Variants in LAMC3 observed in about 807,000 individuals in gnomAD.
The protein encoded by LAMC3 is laminin subunit gamma-3.
Under a neutral mutation model 173.8 loss-of-function variants are expected in LAMC3, and 128 were observed. That is an observed-to-expected ratio of 0.74 (90% CI 0.64 to 0.85). The LOEUF is 0.85. LAMC3 is among the 40% of genes least tolerant of loss of function. The probability of loss-of-function intolerance (pLI) is 0.00; values close to 1 mark genes in which losing one functional copy is unlikely to be tolerated. For missense variants in LAMC3, 2,022 were observed against 2,156.0 expected (o/e 0.94, Z 1.23); for synonymous variants, 897 against 909.1 (o/e 0.99, Z 0.24).
At chr9:131,030,831 G>C (rs1348260150) in intron 2 of LAMC3, among the ~76,000 whole-genome samples, 1 of 152,240 alleles carries the variant, frequency 6.6e-6, no homozygotes, top group Non-Finnish European at 1.5e-5. Flanking sequence ...AGCCGGCCCA[G>C]CAGCATCAGT....
chr9:131,053,925 G>A (rs998629976), intron 11 of LAMC3, among the ~76,000 whole-genome samples: 8 of 151,784 alleles, frequency 5.3e-5, no homozygotes, highest in Non-Finnish European at 7.4e-5. Flanking sequence ...CTGGAGGATC[G>A]CTTGAGCCCA....
chr9:131,084,353 G>C (rs72768534), intron 24 of LAMC3, among the ~76,000 whole-genome samples: 20,876 of 151,852 alleles, frequency 0.14, 1,477 homozygotes, highest in South Asian at 0.21. Flanking sequence ...TAGGTCTATA[G>C]GTGTGTGCCA....
chr9:131,071,400 T>A (rs1024850699), intron 17 of LAMC3, 84 bp from the exon 18 acceptor site: 14 of 1,504,572 alleles, frequency 9.3e-6, no homozygotes, highest in Non-Finnish European at 9.1e-7. Flanking sequence ...CCAGGGAGAG[T>A]GGCAGGGTAG....
chr9:131,061,868 A>G (rs1829832504), intron 13 of LAMC3, among the ~76,000 whole-genome samples: 1 of 130,576 alleles, frequency 7.7e-6, no homozygotes, highest in Admixed American at 7.9e-5. Flanking sequence ...TGGGCAACAT[A>G]GTGAGACTCC....
At chr9:131,048,966 G>T in intron 8 of LAMC3, 54 bp from the exon 9 acceptor site, 1 of 1,183,036 alleles carries the variant, frequency 8.5e-7, no homozygotes, top group South Asian at 1.4e-5. Context: ...GGCACCTGGA[G>T]ACCACCCTCC....
chr9:131,064,165 C>T (rs1381475724), intron 13 of LAMC3, among the ~76,000 whole-genome samples: 1 of 152,126 alleles, frequency 6.6e-6, no homozygotes, highest in African/African-American at 2.4e-5. Flanking sequence ...ACCTCAGCCT[C>T]CCAAAGTGCT....
Position 131,092,039 on chromosome 9 carries a change from C to T in LAMC3, c.*252C>T. On this transcript the variant is annotated 3_prime_UTR_variant, in exon 28 of 28. Transcript: ENST00000361069. The stretch of plus-strand genomic sequence containing the variant: ...ACCCCTGCACATGCATAAACGGGCA[C>T]ACCCCAGTGTCAATAACATACACAC... 1 of 568,262 alleles carries T rather than the reference C, an allele frequency of 1.8e-6. No homozygotes were observed. Among genetic ancestry groups the T allele is most frequent in the South Asian group, 2.0e-5 (1 of 50,144 alleles). 35.2% of individuals were successfully genotyped at this position (568,262 alleles called of 1,614,324 possible).
At chr9:131,046,516 G>GTTTTTTTTTTTTTTT (rs1443313320) in intron 8 of LAMC3, among the ~76,000 whole-genome samples, 9 of 38,746 alleles carry the variant, frequency 2.3e-4, no homozygotes, top group Admixed American at 5.4e-4. Context: ...GCTAATTTTT[G>GTTTTTTTTTTTTTTT]TATTTTTTTT....
At position 131,009,870 on chromosome 9, in the gene LAMC3, T is replaced by C. The variant is rs530877226; in HGVS notation, c.373+283T>C. Among the ~76,000 whole-genome samples the C allele has an allele frequency of 5.3e-5, 8 of 150,014 alleles. No individual in the cohort carries two copies. The South Asian group carries it at 1.1e-3, about 20-fold the overall frequency. On this transcript the variant is annotated intron_variant, in intron 1 of 27. Transcript: ENST00000361069. The surrounding 1 kb of genome is among the most constrained non-coding windows in gnomAD (Gnocchi z 4.3). ...CATCTTTACAAAAAATAAAGAAAAA[T>C]AGGCCGGGCGCGGTGGCTGACGTCT...
At chr9:131,011,403 G>A (rs1173752929) in intron 1 of LAMC3, among the ~76,000 whole-genome samples, 1 of 152,228 alleles carries the variant, frequency 6.6e-6, no homozygotes, top group Non-Finnish European at 1.5e-5. Flanking sequence ...AGAGGTCAGA[G>A]CATAAACTCT....
intron 27 of LAMC3, among the ~76,000 whole-genome samples, chr9:131,088,364 C>T (rs1013597334): frequency 4.6e-5 from 7 of 152,082 alleles, no homozygotes; most frequent in African/African-American, 7.2e-5. Flanking sequence ...GCGCTTACCA[C>T]GGTGCGTGGT....
intron 3 of LAMC3, among the ~76,000 whole-genome samples, chr9:131,032,589 T>C (rs1833856792): frequency 6.9e-6 from 1 of 145,350 alleles, no homozygotes; most frequent in African/African-American, 2.8e-5. Context: ...GCTTGCTCTC[T>C]TTCTCACTCG....
At position 131,026,421 on chromosome 9, in the gene LAMC3, C is replaced by A. The variant is rs1423101508; in HGVS notation, c.510C>A (p.Thr170=). 9.3e-6 allele frequency: 15 copies of A among 1,613,994 alleles called. No individual in the cohort carries two copies. Among genetic ancestry groups the A allele is most frequent in the Non-Finnish European group, 1.3e-5 (15 of 1,180,020 alleles). Residue 170 remains threonine, a synonymous_variant, in exon 2 of 28, where the codon ACC becomes ACA. Coordinates refer to ENST00000361069, the MANE Select transcript of LAMC3 (RefSeq NM_006059.4). This position sits in a 1 kb window ranked among gnomAD's most constrained non-coding sequence, Gnocchi z 4.8. ...TCTACAGCGCCTCCTGCCAGAAGAC[C>A]TACGGCCGGCCCGAGGGCCAGTACC... The part of the protein sequence containing the change: ...YQFYSASCQK[T]YGRPEGQYLR...
chr9:131,037,204 T>C (rs1833962808), intron 4 of LAMC3, among the ~76,000 whole-genome samples: 1 of 152,216 alleles, frequency 6.6e-6, no homozygotes, highest in Non-Finnish European at 1.5e-5. Context: ...AGCCTGCTGC[T>C]GTCTCCATGG....
chr9:131,068,831 G>A, intron 15 of LAMC3, 77 bp from the exon 16 acceptor site: 1 of 1,562,970 alleles, frequency 6.4e-7, no homozygotes, highest in East Asian at 2.2e-5. Context: ...TGAGGCCCCA[G>A]CCAGCTGCAG....
chr9:131,041,567 C>T, intron 6 of LAMC3, 70 bp from the exon 7 acceptor site: 1 of 1,379,730 alleles, frequency 7.2e-7, no homozygotes, highest in Middle Eastern at 1.8e-4. Context: ...AAGCTCCCTT[C>T]CTAGGATGGG....
chr9:131,065,957 C>T (rs898016363), intron 13 of LAMC3, among the ~76,000 whole-genome samples: 1 of 152,144 alleles, frequency 6.6e-6, no homozygotes, highest in Non-Finnish European at 1.5e-5. Context: ...TGCCTGTAAT[C>T]CCAGAACTTT....
Position 131,069,659 on chromosome 9 carries a change from C to T in LAMC3, c.2891-13C>T. On this transcript the variant is annotated splice_polypyrimidine_tract_variant and intron_variant, in intron 16 of 27. Coordinates refer to ENST00000361069, the MANE Select transcript of LAMC3 (RefSeq NM_006059.4). ...CCTCTAAACCCAGCACGCACTGCCC[C>T]TGGCCCCTCTAGCCTGCAGGTGCTC... The T allele has an allele frequency of 1.3e-6, 2 of 1,597,128 alleles. No individual in the cohort carries two copies.
chr9:131,027,554 T>A (rs34432977), intron 2 of LAMC3, among the ~76,000 whole-genome samples: 2 of 152,052 alleles, frequency 1.3e-5, no homozygotes, highest in African/African-American at 4.8e-5. Context: ...CCAGCCACCA[T>A]GAGATGTGGC....
Sources: allele counts gnomAD v4.1 joint callset (sites outside exome capture counted in the v4.1 genomes callset), GRCh38; gene constraint gnomAD v4.1.1; non-coding constraint Gnocchi (gnomAD v3.1); transcripts MANE v1.5; gene names NCBI Gene and HGNC (gene_info 2026-07-23, HGNC 2026-07-21).